The following ZNF804A variants were observed in gnomAD, a reference collection of about 807,000 sequenced individuals.
The protein encoded by ZNF804A is zinc finger protein 804A.
Under a neutral mutation model 16.5 loss-of-function variants are expected in ZNF804A, and 2 were observed. The ratio of observed to expected loss-of-function variants is 0.12; its 90% CI spans 0.05 to 0.38. The LOEUF (loss-of-function observed/expected upper bound fraction) is 0.38, where lower values mean the gene tolerates loss of function less well. Ranked by LOEUF, ZNF804A falls within the 10% of genes least tolerant of loss-of-function variation. ZNF804A has a pLI of 0.99. For missense variants in ZNF804A, 1,473 were observed against 1,390.7 expected (o/e 1.06, Z -0.94); for synonymous variants, 534 against 489.6 (o/e 1.09, Z -1.20).
Position 184,936,681 on chromosome 2 carries a change from C to T in ZNF804A, c.1285C>T (p.Leu429Phe), listed in dbSNP as rs985576496. Residue 429 changes from leucine to phenylalanine, a missense_variant, in exon 4 of 4, where the codon CTT becomes TTT. Leu to Phe is a conservative substitution (Grantham distance 22). Transcript: ENST00000302277. Reference sequence around the variant, plus strand: ...ACAATGTGAGCCATTTGTACCTGTCCTTAACAAACACAGATCTACAGTTCT... The same window carrying T: ...ACAATGTGAGCCATTTGTACCTGTCTTTAACAAACACAGATCTACAGTTCT... The part of the protein sequence containing the change: ...KRQCEPFVPV[L>F]NKHRSTVLQW... 1.9e-6 allele frequency: 3 copies of T among 1,613,814 alleles called. No individual in the cohort carries two copies. Among genetic ancestry groups the T allele is most frequent in the Non-Finnish European group, 2.5e-6 (3 of 1,179,876 alleles).
chr2:184,758,864 A>T lies in ZNF804A; in HGVS notation c.112-107505A>T, dbSNP rs187654039. ...AATTTTAAATTTCACAAAGTTAAAA[A>T]TACTAACTGTTCCACTTCTCATCAC... is the stretch of plus-strand genomic sequence containing the variant. On this transcript the variant is annotated intron_variant, in intron 1 of 3. Coordinates refer to ENST00000302277, the MANE Select transcript of ZNF804A (RefSeq NM_194250.2). Among the ~76,000 whole-genome samples, 90 of 152,124 alleles carry T rather than the reference A, an allele frequency of 5.9e-4. 2 individuals carry two copies. The East Asian group carries it at 0.017, about 28-fold the overall frequency.
intron 1 of ZNF804A, among the ~76,000 whole-genome samples, chr2:184,609,054 G>A (rs1252622793): frequency 6.6e-6 from 1 of 152,196 alleles, no homozygotes; most frequent in African/African-American, 2.4e-5. Context: ...AAGAGTTTTA[G>A]GATATGTAGA....
chr2:184,668,665 G>T (rs528719759), intron 1 of ZNF804A, among the ~76,000 whole-genome samples: 67 of 151,994 alleles, frequency 4.4e-4, no homozygotes, highest in Admixed American at 5.9e-4. Flanking sequence ...TATTTGGAAA[G>T]TTATACTACT....
chr2:184,733,351 A>G (rs1693551297), intron 1 of ZNF804A, among the ~76,000 whole-genome samples: 1 of 152,116 alleles, frequency 6.6e-6, no homozygotes, highest in Admixed American at 6.6e-5. Flanking sequence ...TGAGTTTTAA[A>G]TGAGTTTTCT....
intron 1 of ZNF804A, among the ~76,000 whole-genome samples, chr2:184,610,700 A>G (rs955508976): frequency 6.6e-6 from 1 of 152,154 alleles, no homozygotes; most frequent in African/African-American, 2.4e-5. Flanking sequence ...CCTGGTGAAG[A>G]CAGTCAATGT....
intron 1 of ZNF804A, among the ~76,000 whole-genome samples, chr2:184,702,250 A>C (rs1692931359): frequency 6.6e-6 from 1 of 151,966 alleles, no homozygotes; most frequent in Non-Finnish European, 1.5e-5. Context: ...ATAATCTGTC[A>C]AATTTTGATT....
At chr2:184,685,617 C>G (rs956290326) in intron 1 of ZNF804A, among the ~76,000 whole-genome samples, 1 of 151,978 alleles carries the variant, frequency 6.6e-6, no homozygotes, top group Admixed American at 6.6e-5. Flanking sequence ...GGCAGGATGT[C>G]CCAATGTCTG....
chr2:184,772,115 C>T (rs1694224797), intron 1 of ZNF804A, among the ~76,000 whole-genome samples: 3 of 151,794 alleles, frequency 2.0e-5, no homozygotes, highest in South Asian at 2.1e-4. Flanking sequence ...TTTCTATAAA[C>T]ATAAATATAA....
At chr2:184,652,462 A>G (rs1001516694) in intron 1 of ZNF804A, among the ~76,000 whole-genome samples, 4 of 152,116 alleles carry the variant, frequency 2.6e-5, no homozygotes, top group Admixed American at 6.6e-5. Flanking sequence ...ATAAGGTAAA[A>G]TTGTATTTAA....
chr2:184,615,162 TAA>T (rs1451536733), intron 1 of ZNF804A, among the ~76,000 whole-genome samples: 4 of 152,304 alleles, frequency 2.6e-5, no homozygotes, highest in Admixed American at 6.5e-5. Flanking sequence ...ATAGACTGGA[TAA>T]AGACAATGTG....
At chr2:184,686,153 G>A (rs1251138340) in intron 1 of ZNF804A, among the ~76,000 whole-genome samples, 1 of 152,212 alleles carries the variant, frequency 6.6e-6, no homozygotes. Context: ...TTGCGGGGCA[G>A]GGGCTTCCCA....
intron 1 of ZNF804A, among the ~76,000 whole-genome samples, chr2:184,748,269 A>T (rs562112719): frequency 3.3e-4 from 48 of 146,790 alleles, no homozygotes; most frequent in African/African-American, 1.2e-3. Flanking sequence ...TCTTTTCTCC[A>T]TAGCCTCACT....
chr2:184,801,157 A>C lies in ZNF804A; in HGVS notation c.112-65212A>C, dbSNP rs939077950. Among the ~76,000 whole-genome samples the C allele has an allele frequency of 3.3e-5, 5 of 152,130 alleles. No homozygotes were observed. The East Asian group carries it at 5.8e-4, about 18-fold the overall frequency. ...TCACTTCACTCTTCTTTAATGCCTA[A>C]TTTCTGTTGACAATTGTCTACAATT... On this transcript the variant is annotated intron_variant, in intron 1 of 3. Coordinates refer to ENST00000302277, the MANE Select transcript of ZNF804A (RefSeq NM_194250.2).
chr2:184,612,451 G>T (rs373956095), intron 1 of ZNF804A, among the ~76,000 whole-genome samples: 43 of 120,938 alleles, frequency 3.6e-4, no homozygotes, highest in Admixed American at 4.6e-4. Flanking sequence ...TTTTTTTTTG[G>T]GGGGGGGACG....
chr2:184,725,457 C>A (rs1190415986), intron 1 of ZNF804A, among the ~76,000 whole-genome samples: 1 of 151,162 alleles, frequency 6.6e-6, no homozygotes, highest in Non-Finnish European at 1.5e-5. Flanking sequence ...TAAACTTCAC[C>A]TACTCTAATA....
chr2:184,765,631 C>G lies in ZNF804A; in HGVS notation c.112-100738C>G, dbSNP rs573484611. On this transcript the variant is annotated intron_variant, in intron 1 of 3. Transcript: ENST00000302277. The stretch of plus-strand genomic sequence containing the variant: ...CCCCCCCCCCTTAGAGTCGTGAGCC[C>G]TTAAAAGGGACAGGAATTGCTCAGT... 3.4e-5 allele frequency among the ~76,000 whole-genome samples: 5 copies of G among 146,820 alleles called. No homozygotes were observed. In the East Asian group the frequency reaches 6.2e-4, roughly 18 times the overall value.
At position 184,937,910 on chromosome 2, in the gene ZNF804A, C is replaced by G; in HGVS notation, c.2514C>G (p.Asp838Glu). The G allele has an allele frequency of 6.2e-7, 1 of 1,614,070 alleles. No homozygotes were observed. The change falls in exon 4 of 4, where the codon GAC becomes GAG. Residue 838 changes from aspartate (D) to glutamate (E), a missense_variant. By Grantham distance (45) the Asp-to-Glu change is conservative (BLOSUM62 2). Transcript: ENST00000302277. ...AAAATACAGATTATCCCGTGAAAGA[C>G]AATTCTTCCTTAAATCCTCTGGATA... ...LKENTDYPVK[D>E]NSSLNPLDRL...
At chr2:184,712,890 C>T (rs1693151547) in intron 1 of ZNF804A, among the ~76,000 whole-genome samples, 2 of 151,572 alleles carry the variant, frequency 1.3e-5, no homozygotes, top group Admixed American at 1.3e-4. Flanking sequence ...TTGTTGATAT[C>T]CTTGATTTAT....
rs781070666 is a variant in ZNF804A at position 184,938,998 on chromosome 2, C to A, written c.3602C>A (p.Thr1201Asn). Residue 1201 changes from threonine (T) to asparagine (N), a missense_variant, in exon 4 of 4, where the codon ACT becomes AAT. Coordinates refer to ENST00000302277, the MANE Select transcript of ZNF804A (RefSeq NM_194250.2). ...LFPSLLSPHP[T>N]VIPLQPLF The stretch of plus-strand genomic sequence containing the variant: ...CCTTCACTGCTTTCCCCACACCCTA[C>A]TGTCATCCCTTTGCAACCTCTCTTC... 1.9e-6 allele frequency: 3 copies of A among 1,613,822 alleles called. No homozygotes were observed. The African/African-American group carries it at 4.0e-5, about 22-fold the overall frequency.
Sources: allele counts gnomAD v4.1 joint callset (sites outside exome capture counted in the v4.1 genomes callset), GRCh38; gene constraint gnomAD v4.1.1; transcripts MANE v1.5; gene names NCBI Gene and HGNC (gene_info 2026-07-23, HGNC 2026-07-21).